The following CDH18 variants were observed in gnomAD, a reference collection of about 807,000 sequenced individuals.
CDH18 encodes cadherin 18.
A neutral mutation model predicts 67.9 loss-of-function variants in CDH18; 31 were observed. The observed-to-expected ratio is 0.46, with a 90% confidence interval of 0.34 to 0.62. The LOEUF is 0.62. Ranked by LOEUF, CDH18 falls within the 20% of genes least tolerant of loss-of-function variation. CDH18 has a pLI of 0.01. For missense variants in CDH18, 890 were observed against 975.5 expected (o/e 0.91, Z 1.17); for synonymous variants, 362 against 347.2 (o/e 1.04, Z -0.48).
chr5:19,600,839 C>A (rs1029881684), intron 6 of CDH18, among the ~76,000 whole-genome samples: 1 of 151,806 alleles, frequency 6.6e-6, no homozygotes, highest in Non-Finnish European at 1.5e-5. Context: ...GATTTAAATG[C>A]CTAAAAAAAC....
intron 11 of CDH18, among the ~76,000 whole-genome samples, chr5:19,495,902 C>G (rs1381540193): frequency 1.3e-5 from 2 of 151,972 alleles, no homozygotes; most frequent in East Asian, 3.9e-4. Context: ...TAAGAAGAGG[C>G]TGGGATTCTA....
intron 5 of CDH18, among the ~76,000 whole-genome samples, chr5:19,709,955 T>G (rs1373841090): frequency 6.6e-6 from 1 of 151,996 alleles, no homozygotes; most frequent in Non-Finnish European, 1.5e-5. Flanking sequence ...GCCAACATTG[T>G]GAAACCCTGT....
At chr5:19,577,232 G>T (rs1397032802) in intron 7 of CDH18, among the ~76,000 whole-genome samples, 1 of 152,078 alleles carries the variant, frequency 6.6e-6, no homozygotes, top group African/African-American at 2.4e-5. Flanking sequence ...ATATCTAAAA[G>T]AGAGAATTTT....
At chr5:19,570,718 CA>C (rs201142308) in intron 8 of CDH18, among the ~76,000 whole-genome samples, 2 of 152,034 alleles carry the variant, frequency 1.3e-5, no homozygotes, top group South Asian at 2.1e-4. Context: ...ATGAGGGACA[CA>C]AAAAAACTCC....
chr5:19,960,661 A>G (rs1382100954), intron 2 of CDH18, among the ~76,000 whole-genome samples: 1 of 131,082 alleles, frequency 7.6e-6, no homozygotes, highest in Non-Finnish European at 1.5e-5. Flanking sequence ...GTATATATAT[A>G]TACACATGTA....
intron 1 of CDH18, among the ~76,000 whole-genome samples, chr5:20,354,987 C>A (rs545749993): frequency 2.0e-5 from 3 of 152,118 alleles, no homozygotes; most frequent in African/African-American, 7.2e-5. Flanking sequence ...GGCCAATTAC[C>A]GGGAAATGTT....
chr5:20,438,794 C>G lies in CDH18; in HGVS notation c.-580+136668G>C, dbSNP rs764396261. Among the ~76,000 whole-genome samples, 116 of 151,368 alleles carry G rather than the reference C, an allele frequency of 7.7e-4. 3 individuals carry two copies. The highest frequency in any genetic ancestry group is 1.3e-3 in the Non-Finnish European group (87 of 67,688). On this transcript the variant is annotated intron_variant, in intron 1 of 14. Transcript: ENST00000507958. The stretch of plus-strand genomic sequence containing the variant: ...CTGTTTTCTATCCCAGTCTTTCCAC[C>G]TGTTCCACCAAAATGTTTTCTAAAG...
At chr5:19,921,330 G>A (rs922783900) in intron 2 of CDH18, among the ~76,000 whole-genome samples, 2 of 152,048 alleles carry the variant, frequency 1.3e-5, no homozygotes, top group Non-Finnish European at 2.9e-5. Context: ...AGGAGATTGC[G>A]ACTATCCTGG....
At chr5:20,205,871 A>G (rs1204233012) in intron 2 of CDH18, among the ~76,000 whole-genome samples, 2 of 151,874 alleles carry the variant, frequency 1.3e-5, no homozygotes, top group African/African-American at 4.8e-5. Context: ...AGGGAAGTTT[A>G]TAACAATAAA....
At chr5:20,488,690 T>TATATATATATAC (rs1447635190) in intron 1 of CDH18, among the ~76,000 whole-genome samples, 6 of 130,282 alleles carry the variant, frequency 4.6e-5, no homozygotes, top group Non-Finnish European at 1.0e-4. Flanking sequence ...TATATATATA[T>TATATATATATAC]ATATATATAT....
intron 1 of CDH18, among the ~76,000 whole-genome samples, chr5:20,297,363 G>C (rs531155169): frequency 1.3e-5 from 2 of 152,326 alleles, no homozygotes; most frequent in African/African-American, 2.4e-5. Flanking sequence ...CTTGCTGCAA[G>C]CAAGTGGGAA....
At chr5:19,580,618 G>A (rs552199945) in intron 7 of CDH18, among the ~76,000 whole-genome samples, 1 of 151,898 alleles carries the variant, frequency 6.6e-6, no homozygotes, top group African/African-American at 2.4e-5. Flanking sequence ...ACCGACCTAT[G>A]CCCTAAACAA....
intron 2 of CDH18, among the ~76,000 whole-genome samples, chr5:19,952,380 G>A (rs1249371075): frequency 6.6e-6 from 1 of 152,088 alleles, no homozygotes; most frequent in Non-Finnish European, 1.5e-5. Context: ...TGCAACAGAG[G>A]CAGAACCCTA....
At chr5:19,928,869 G>C (rs1228663317) in intron 2 of CDH18, among the ~76,000 whole-genome samples, 1 of 152,072 alleles carries the variant, frequency 6.6e-6, no homozygotes, top group African/African-American at 2.4e-5. Flanking sequence ...TCTTATAGAT[G>C]ATGACTAGCA....
intron 2 of CDH18, among the ~76,000 whole-genome samples, chr5:20,152,327 T>A (rs372723592): frequency 6.7e-6 from 1 of 149,408 alleles, no homozygotes; most frequent in African/African-American, 2.4e-5. Flanking sequence ...TATGAACAGA[T>A]ACATTTCTTT....
At chr5:19,872,334 G>A (rs1052567651) in intron 2 of CDH18, among the ~76,000 whole-genome samples, 2 of 152,076 alleles carry the variant, frequency 1.3e-5, no homozygotes, top group African/African-American at 4.8e-5. Context: ...ACCTGTAGCT[G>A]GTTTCTGGTC....
upstream of CDH18, among the ~76,000 whole-genome samples, chr5:19,989,710 A>T (rs1799874144): frequency 6.6e-6 from 1 of 152,198 alleles, no homozygotes; most frequent in South Asian, 2.1e-4. Flanking sequence ...TGAATGTTTG[A>T]ATCGGCTAAA....
chr5:20,204,322 A>G (rs906299639), intron 2 of CDH18, among the ~76,000 whole-genome samples: 1 of 152,066 alleles, frequency 6.6e-6, no homozygotes, highest in African/African-American at 2.4e-5. Context: ...CATACAGGCC[A>G]GAAAGAAGCA....
intron 1 of CDH18, among the ~76,000 whole-genome samples, chr5:20,311,685 C>G (rs1267683636): frequency 6.6e-6 from 1 of 151,996 alleles, no homozygotes; most frequent in Non-Finnish European, 1.5e-5. Context: ...AGGAGAAATT[C>G]CTAATGTAGA....
Sources: allele counts gnomAD v4.1 joint callset (sites outside exome capture counted in the v4.1 genomes callset), GRCh38; gene constraint gnomAD v4.1.1; transcripts MANE v1.5; gene names NCBI Gene and HGNC (gene_info 2026-07-23, HGNC 2026-07-21).